The following EDEM3 variants were observed in gnomAD, a reference collection of about 807,000 sequenced individuals.
EDEM3 encodes the protein ER degradation enhancing alpha-mannosidase like protein 3.
In EDEM3, 60 loss-of-function variants were observed where a neutral mutation model predicts 110.2. That is an observed-to-expected ratio of 0.54 (90% CI 0.44 to 0.67). The LOEUF is 0.67. EDEM3 is among the 30% of genes least tolerant of loss of function. EDEM3 has a pLI of 0.00. For synonymous variants in EDEM3, 352 were observed against 382.9 expected (o/e 0.92, Z 0.94); for missense variants, 996 against 1,121.0 (o/e 0.89, Z 1.59).
chr1:184,747,851 T>C (rs1652519983), intron 2 of EDEM3, among the ~76,000 whole-genome samples: 1 of 152,244 alleles, frequency 6.6e-6, no homozygotes, highest in African/African-American at 2.4e-5. Flanking sequence ...GCCATTGATA[T>C]AACTGTTCTA....
chr1:184,730,640 C>A (rs1027082337), intron 6 of EDEM3, among the ~76,000 whole-genome samples: 4 of 152,014 alleles, frequency 2.6e-5, no homozygotes, highest in African/African-American at 7.2e-5. Context: ...AAAATATCAA[C>A]TAGAAATTTA....
intron 1 of EDEM3, among the ~76,000 whole-genome samples, chr1:184,752,330 G>A (rs1036682251): frequency 1.3e-5 from 2 of 152,054 alleles, no homozygotes; most frequent in African/African-American, 4.8e-5. Context: ...AAGGGGTGGG[G>A]CATTTTCTGC....
At chr1:184,701,497 T>C (rs1649619028) in intron 19 of EDEM3, 4 of 1,279,652 alleles carry the variant, frequency 3.1e-6, no homozygotes, top group African/African-American at 1.5e-5. Flanking sequence ...AGATACTTAC[T>C]ACTATTAATA....
At position 184,721,385 on chromosome 1, in the gene EDEM3, A is replaced by C. The variant is rs760990159; in HGVS notation, c.855T>G (p.Asp285Glu). Residue 285 changes from aspartate (D) to glutamate (E), a missense_variant and splice_region_variant, in exon 9 of 20, where the codon GAT (aspartate) becomes GAG (glutamate). Asp to Glu is a conservative substitution (Grantham distance 45). This residue lies in a region of EDEM3 where 310 missense variants were observed against 394.6 expected (regional missense o/e 0.79). Coordinates refer to ENST00000318130, the MANE Select transcript of EDEM3 (RefSeq NM_025191.4). Reference sequence around the variant, plus strand: ...AATCAATCCCTGCTCCAACTCCACTATCTATGGAAACACAAATGTGATTTT... The same window carrying C: ...AATCAATCCCTGCTCCAACTCCACTCTCTATGGAAACACAAATGTGATTTT... The part of the protein sequence containing the change: ...NIHTGDWVRK[D>E]SGVGAGIDSY... The C allele has an allele frequency of 1.1e-5, 18 of 1,576,540 alleles. No homozygotes were observed. In the South Asian group the frequency reaches 2.1e-4, roughly 19 times the overall value.
intron 2 of EDEM3, among the ~76,000 whole-genome samples, chr1:184,738,935 C>A (rs754810373): frequency 1.3e-5 from 2 of 151,958 alleles, no homozygotes; most frequent in Non-Finnish European, 2.9e-5. Context: ...AAAAGGATAC[C>A]CTGAACCTCT....
At chr1:184,725,959 TA>T (rs1174944839) in intron 7 of EDEM3, among the ~76,000 whole-genome samples, 1 of 152,162 alleles carries the variant, frequency 6.6e-6, no homozygotes, top group African/African-American at 2.4e-5. Context: ...GTAAGACATT[TA>T]TGATATCAAG....
At position 184,721,281 on chromosome 1, in the gene EDEM3, C is replaced by A. The variant is rs1369668523; in HGVS notation, c.951+8G>T. On this transcript the variant is annotated splice_region_variant and intron_variant, in intron 9 of 19. Transcript: ENST00000318130. ...TTGATTATAAAATATAAAATTGTATCAACTTACTGTGTTAAATCTTTCCAG... is the reference window on the plus strand; with the variant it reads ...TTGATTATAAAATATAAAATTGTATAAACTTACTGTGTTAAATCTTTCCAG... The A allele has an allele frequency of 1.3e-6, 2 of 1,586,924 alleles. No homozygotes were observed. The highest frequency in any genetic ancestry group is 3.7e-5 in the Admixed American group (2 of 54,612).
intron 4 of EDEM3, among the ~76,000 whole-genome samples, chr1:184,734,927 C>A (rs1466910182): frequency 2.0e-5 from 3 of 152,174 alleles, no homozygotes; most frequent in Admixed American, 2.0e-4. Context: ...ATGACCCAGG[C>A]TACATGAGGT....
chr1:184,753,977 G>A (rs749899012), intron 1 of EDEM3, among the ~76,000 whole-genome samples: 2 of 152,192 alleles, frequency 1.3e-5, no homozygotes, highest in South Asian at 2.1e-4. Flanking sequence ...TGAAAATACA[G>A]TGCAAGAAAA....
intron 16 of EDEM3, 48 bp downstream of exon 16, chr1:184,710,346 A>C (rs776570924): frequency 1.3e-6 from 2 of 1,587,588 alleles, no homozygotes; most frequent in East Asian, 4.5e-5. Flanking sequence ...AATGCGACCA[A>C]AGAAAGCAGG....
chr1:184,749,202 AT>A (rs1250838784), intron 2 of EDEM3, among the ~76,000 whole-genome samples: 1 of 152,160 alleles, frequency 6.6e-6, no homozygotes, highest in East Asian at 1.9e-4. Flanking sequence ...TATTGTAAAC[AT>A]TTTTTTAAAT....
chr1:184,751,148 G>C (rs1010285586), intron 1 of EDEM3, among the ~76,000 whole-genome samples: 1 of 142,588 alleles, frequency 7.0e-6, no homozygotes, highest in Admixed American at 7.1e-5. Flanking sequence ...CTAATTCTTT[G>C]TAAGTTTACA....
At chr1:184,735,104 C>T (rs962508647) in intron 4 of EDEM3, among the ~76,000 whole-genome samples, 15 of 152,200 alleles carry the variant, frequency 9.9e-5, no homozygotes, top group Non-Finnish European at 1.8e-4. Context: ...TCCATGGATG[C>T]CCTGTTCACT....
Position 184,702,827 on chromosome 1 carries a change from A to G in EDEM3, c.2373T>C (p.Asp791=), listed in dbSNP as rs369301400. ...TACTCTTACCTCGATCTTTTGCTTT[A>G]TCAGAGAGGAGCACTTCTACCTCCT... ...EYEEVEVLLS[D]KAKDRDPEME... The change falls in exon 19 of 20, where the codon GAT becomes GAC. Residue 791 remains aspartate (D), a synonymous_variant. Coordinates refer to ENST00000318130, the MANE Select transcript of EDEM3 (RefSeq NM_025191.4). 2 of 1,600,646 alleles carry G rather than the reference A, an allele frequency of 1.2e-6. No homozygotes were observed.
intron 2 of EDEM3, among the ~76,000 whole-genome samples, chr1:184,742,503 G>A (rs1334452366): frequency 6.6e-6 from 1 of 152,102 alleles, no homozygotes; most frequent in Non-Finnish European, 1.5e-5. Flanking sequence ...CAATTCTCCT[G>A]CCTCAGCCTC....
intron 16 of EDEM3, among the ~76,000 whole-genome samples, chr1:184,709,716 A>G (rs1387388487): frequency 6.6e-6 from 1 of 152,166 alleles, no homozygotes; most frequent in Non-Finnish European, 1.5e-5. Context: ...AAAAGAAGGA[A>G]GGATGTGGCA....
At chr1:184,731,906 G>T (rs1186093865) in intron 6 of EDEM3, among the ~76,000 whole-genome samples, 1 of 152,084 alleles carries the variant, frequency 6.6e-6, no homozygotes, top group African/African-American at 2.4e-5. Context: ...CCTGGGTGTG[G>T]TGGCTCATGC....
In EDEM3 at chr1:184,708,274, T is replaced by C; in HGVS notation, c.1916A>G (p.Gln639Arg). ...MQEMIELSSQ[Q>R]QKEQQLPPRA... ...TGGAGGCAGCTGCTGTTCTTTTTGT[T>C]GCTGACTTGACAATTCAATCATCTC... Residue 639 changes from glutamine (Q) to arginine (R), a missense_variant, in exon 17 of 20, where the codon CAA (glutamine) becomes CGA (arginine). Physicochemically the swap from Gln to Arg is conservative, Grantham distance 43 (BLOSUM62 1). Coordinates refer to ENST00000318130, the MANE Select transcript of EDEM3 (RefSeq NM_025191.4). 6.2e-7 allele frequency: 1 copy of C among 1,613,494 alleles called. No individual in the cohort carries two copies.
intron 11 of EDEM3, among the ~76,000 whole-genome samples, chr1:184,718,039 T>A (rs1229221455): frequency 6.6e-6 from 1 of 152,076 alleles, no homozygotes; most frequent in Non-Finnish European, 1.5e-5. Flanking sequence ...TTATGGTATA[T>A]GACATGATGT....
Sources: allele counts gnomAD v4.1 joint callset (sites outside exome capture counted in the v4.1 genomes callset), GRCh38; gene constraint gnomAD v4.1.1; regional missense constraint gnomAD v4.1.1; transcripts MANE v1.5; gene names NCBI Gene and HGNC (gene_info 2026-07-23, HGNC 2026-07-21).